NIBAN1: variants seen among roughly 807,000 people sequenced by gnomAD.
NIBAN1 encodes niban apoptosis regulator 1, also known as protein Niban 1.
In NIBAN1, 81 loss-of-function variants were observed where a neutral mutation model predicts 75.1. That is an observed-to-expected ratio of 1.08 (90% CI 0.90 to 1.30). NIBAN1 has a LOEUF of 1.30. Among genes scored for constraint, NIBAN1 ranks in the 50% most tolerant of loss-of-function variants. The probability of loss-of-function intolerance (pLI) is 0.00; values close to 1 mark genes in which losing one functional copy is unlikely to be tolerated. For synonymous variants in NIBAN1, 436 were observed against 424.8 expected (o/e 1.03, Z -0.32); for missense variants, 1,133 against 1,128.1 (o/e 1.00, Z -0.06).
At chr1:184,902,679 A>C (rs1485656206) in intron 1 of NIBAN1, among the ~76,000 whole-genome samples, 2 of 152,184 alleles carry the variant, frequency 1.3e-5, no homozygotes, top group African/African-American at 4.8e-5. Flanking sequence ...AATACAACCT[A>C]CATTTTCACA....
chr1:184,941,513 G>A (rs762890644), intron 1 of NIBAN1, among the ~76,000 whole-genome samples: 57 of 152,164 alleles, frequency 3.7e-4, no homozygotes, highest in Non-Finnish European at 7.2e-4. Context: ...AGCCAGGCAT[G>A]GTGGCACCTG....
intron 7 of NIBAN1, 75 bp from the exon 8 acceptor site, chr1:184,823,404 C>A: frequency 6.5e-7 from 1 of 1,548,232 alleles, no homozygotes; most frequent in Non-Finnish European, 8.8e-7. Flanking sequence ...GAGGGAGGAG[C>A]CTTCATCACA....
chr1:184,913,198 AG>A (rs1400449887), intron 1 of NIBAN1, among the ~76,000 whole-genome samples: 10 of 145,632 alleles, frequency 6.9e-5, no homozygotes, highest in Admixed American at 6.8e-4. Context: ...ATATATATAT[AG>A]GAAAAATTTG....
At chr1:184,916,908 C>T (rs1401023857) in intron 1 of NIBAN1, among the ~76,000 whole-genome samples, 1 of 152,184 alleles carries the variant, frequency 6.6e-6, no homozygotes, top group Non-Finnish European at 1.5e-5. Context: ...TTACTTCCTT[C>T]ACTACTTATC....
At position 184,818,755 on chromosome 1, in the gene NIBAN1, CTCCAGGAT is replaced by C; in HGVS notation, c.1048_1055del (p.Ile350GlyfsTer12). The C allele has an allele frequency of 6.2e-7, 1 of 1,613,088 alleles. No individual in the cohort carries two copies. The highest frequency in any genetic ancestry group is 8.5e-7 in the Non-Finnish European group (1 of 1,179,118). On this transcript the variant is annotated frameshift_variant, in exon 9 of 14. Coordinates refer to ENST00000367511, the MANE Select transcript of NIBAN1 (RefSeq NM_052966.4). LOFTEE classifies it high-confidence loss of function. ...CCGAGCTCACTGGTCCCATGAGCTC[CTCCAGGAT>C]GGATGCCAGGAATGGCTGCACACTC...
intron 5 of NIBAN1, among the ~76,000 whole-genome samples, chr1:184,854,229 G>A (rs985010893): frequency 6.6e-6 from 1 of 152,178 alleles, no homozygotes; most frequent in African/African-American, 2.4e-5. Context: ...TGTGGTTTAA[G>A]AGTATGTTGT....
intron 1 of NIBAN1, among the ~76,000 whole-genome samples, chr1:184,950,161 T>C (rs1414559780): frequency 2.0e-5 from 3 of 150,712 alleles, no homozygotes; most frequent in African/African-American, 7.3e-5. Flanking sequence ...CCCTGTTCAC[T>C]AGTGCAGAGG....
At chr1:184,881,819 G>A (rs962921801) in intron 5 of NIBAN1, among the ~76,000 whole-genome samples, 1 of 152,134 alleles carries the variant, frequency 6.6e-6, no homozygotes, top group Admixed American at 6.6e-5. Flanking sequence ...CACTCTCATT[G>A]CAATTTTAGT....
At chr1:184,925,671 A>G (rs1657663628) in intron 1 of NIBAN1, among the ~76,000 whole-genome samples, 1 of 152,112 alleles carries the variant, frequency 6.6e-6, no homozygotes. Flanking sequence ...CTGATTGCAT[A>G]AACAAATAAG....
At chr1:184,942,903 G>A (rs1194656331) in intron 1 of NIBAN1, among the ~76,000 whole-genome samples, 2 of 152,060 alleles carry the variant, frequency 1.3e-5, no homozygotes, top group Non-Finnish European at 1.5e-5. Context: ...CGAAAATCAG[G>A]ATGTTCCATA....
intron 5 of NIBAN1, among the ~76,000 whole-genome samples, chr1:184,880,474 C>A (rs1656348993): frequency 6.6e-6 from 1 of 152,216 alleles, no homozygotes; most frequent in Non-Finnish European, 1.5e-5. Flanking sequence ...CCCCTTATAG[C>A]ATGGATCCTG....
chr1:184,949,383 A>C (rs1557927289), intron 1 of NIBAN1, among the ~76,000 whole-genome samples: 1 of 152,194 alleles, frequency 6.6e-6, no homozygotes, highest in Non-Finnish European at 1.5e-5. Flanking sequence ...AAATAAATGA[A>C]AGTGGAATAT....
At position 184,795,189 on chromosome 1, in the gene NIBAN1, A is replaced by C; in HGVS notation, c.2575T>G (p.Ser859Ala). The change falls in exon 14 of 14, where the codon TCT (serine) becomes GCT (alanine). Residue 859 changes from serine to alanine, a missense_variant. Coordinates refer to ENST00000367511, the MANE Select transcript of NIBAN1 (RefSeq NM_052966.4). ...DPICLSESQV[S>A]EEQEEMGGQS... ...CCTCCCATCTCTTCTTGTTCCTCAG[A>C]AACCTGGCTCTCACTGAGGCAGATG... 1.2e-6 allele frequency: 2 copies of C among 1,614,166 alleles called. No individual in the cohort carries two copies. The highest frequency in any genetic ancestry group is 8.5e-7 in the Non-Finnish European group (1 of 1,180,046).
rs1054854733 is a variant in NIBAN1 at position 184,833,833 on chromosome 1, T to C, written c.602-1871A>G. On this transcript the variant is annotated intron_variant, in intron 5 of 13. Transcript: ENST00000367511. ...TTGAAAAAAGAGCATGTTTCAAGAA[T>C]CAAGGTTTTTTGAAAATTTTTTCTT... 2.0e-5 allele frequency among the ~76,000 whole-genome samples: 3 copies of C among 151,574 alleles called. No homozygotes were observed. The East Asian group carries it at 5.8e-4, about 29-fold the overall frequency.
At chr1:184,899,807 CTTTT>C (rs66802117) in intron 1 of NIBAN1, among the ~76,000 whole-genome samples, 1 of 100,346 alleles carries the variant, frequency 1.0e-5, no homozygotes, top group Non-Finnish European at 2.0e-5. Flanking sequence ...ACATCACTCT[CTTTT>C]TTTTTTTTTT....
At chr1:184,974,124 C>A (rs1359433833) in intron 1 of NIBAN1, among the ~76,000 whole-genome samples, 178 bp downstream of exon 1, 1 of 152,076 alleles carries the variant, frequency 6.6e-6, no homozygotes, top group Non-Finnish European at 1.5e-5. Context: ...GGTCCACACC[C>A]GCGCCGGAGC....
At chr1:184,824,573 A>G (rs542572494) in intron 6 of NIBAN1, among the ~76,000 whole-genome samples, 4 of 152,364 alleles carry the variant, frequency 2.6e-5, no homozygotes, top group Non-Finnish European at 4.4e-5. Context: ...AATCCTGCAG[A>G]AAATGGAGAT....
At chr1:184,896,526 T>C (rs2101984967) in intron 2 of NIBAN1, among the ~76,000 whole-genome samples, 1 of 152,284 alleles carries the variant, frequency 6.6e-6, no homozygotes, top group East Asian at 1.9e-4. Flanking sequence ...TTCTTTTTTG[T>C]GTATAGGCTT....
chr1:184,795,897 C>G lies in NIBAN1; in HGVS notation c.1867G>C (p.Glu623Gln), dbSNP rs762814791. The G allele has an allele frequency of 6.2e-7, 1 of 1,613,828 alleles. No individual in the cohort carries two copies. The highest frequency in any genetic ancestry group is 2.2e-5 in the East Asian group (1 of 44,880). The change falls in exon 14 of 14, where the codon GAG (glutamate) becomes CAG (glutamine). Residue 623 changes from glutamate (E) to glutamine (Q), a missense_variant. By Grantham distance (29) the Glu-to-Gln change is conservative. Transcript: ENST00000367511. ...TLSNEVFQESEEEKQPEVPSS... is the reference protein window; with the variant it reads ...TLSNEVFQESQEEKQPEVPSS... ...GGGACCTCAGGCTGCTTCTCTTCCT[C>G]TGACTCCTGGAATACTTCGTTACTG...
Sources: allele counts gnomAD v4.1 joint callset (sites outside exome capture counted in the v4.1 genomes callset), GRCh38; gene constraint gnomAD v4.1.1; transcripts MANE v1.5; gene names NCBI Gene and HGNC (gene_info 2026-07-23, HGNC 2026-07-21).